Variants in SLC41A2 observed in about 807,000 individuals in gnomAD.
SLC41A2 encodes solute carrier family 41 member 2.
SLC41A2 carries 32 observed loss-of-function variants against 58.3 expected under a neutral mutation model. The observed-to-expected ratio is 0.55, with a 90% confidence interval of 0.41 to 0.74. SLC41A2 has a LOEUF of 0.74. SLC41A2 is among the 30% of genes least tolerant of loss of function. SLC41A2 has a pLI of 0.00. For missense variants in SLC41A2, 514 were observed against 680.6 expected (o/e 0.76, Z 2.72); for synonymous variants, 190 against 235.0 (o/e 0.81, Z 1.75).
intron 2 of SLC41A2, among the ~76,000 whole-genome samples, chr12:104,922,254 G>C (rs534401887): frequency 5.9e-5 from 9 of 152,056 alleles, no homozygotes; most frequent in Non-Finnish European, 1.0e-4. Context: ...ACAAGACCCA[G>C]GTTTCTGCCT....
At chr12:104,829,515 C>T (rs1009100226) in intron 10 of SLC41A2, among the ~76,000 whole-genome samples, 10 of 151,848 alleles carry the variant, frequency 6.6e-5, no homozygotes, top group Non-Finnish European at 1.5e-4. Flanking sequence ...TGCAAAGGAG[C>T]ATGAGGAAAC....
chr12:104,883,575 C>T (rs1050919459), intron 6 of SLC41A2, among the ~76,000 whole-genome samples: 2 of 152,200 alleles, frequency 1.3e-5, no homozygotes, highest in African/African-American at 4.8e-5. Context: ...ACAGTCAGGA[C>T]CCTCAGCTGC....
At chr12:104,936,234 T>C (rs1222792250) in intron 1 of SLC41A2, among the ~76,000 whole-genome samples, 1 of 152,178 alleles carries the variant, frequency 6.6e-6, no homozygotes, top group Non-Finnish European at 1.5e-5. Flanking sequence ...AATAATGATT[T>C]TGTTACTGGT....
intron 6 of SLC41A2, among the ~76,000 whole-genome samples, chr12:104,882,570 A>T (rs1214131855): frequency 3.3e-5 from 5 of 151,870 alleles, no homozygotes; most frequent in African/African-American, 1.2e-4. Context: ...TTTCTCCTTC[A>T]CTTATGAAGC....
chr12:104,920,969 T>C (rs1360510705), intron 2 of SLC41A2, among the ~76,000 whole-genome samples: 1 of 151,410 alleles, frequency 6.6e-6, no homozygotes, highest in African/African-American at 2.4e-5. Flanking sequence ...AAAAATTAGC[T>C]GGGTATGGTG....
At chr12:104,916,487 T>C (rs1430945456) in intron 2 of SLC41A2, among the ~76,000 whole-genome samples, 1 of 152,036 alleles carries the variant, frequency 6.6e-6, no homozygotes, top group Non-Finnish European at 1.5e-5. Context: ...AAAGTTCATA[T>C]GGAACCAAAA....
intron 10 of SLC41A2, among the ~76,000 whole-genome samples, chr12:104,831,882 C>T (rs1359548012): frequency 6.6e-6 from 1 of 152,014 alleles, no homozygotes. Context: ...AACTGAAATG[C>T]CTAAAATAAT....
intron 8 of SLC41A2, among the ~76,000 whole-genome samples, chr12:104,853,926 T>TTTTTTTTTTTATTTA (rs1565842755): frequency 8.4e-6 from 1 of 118,850 alleles, no homozygotes; most frequent in African/African-American, 3.1e-5. Context: ...TTTTTTTTTT[T>TTTTTTTTTTTATTTA]TTTTTTTTTT....
At chr12:104,859,641 TA>T (rs1203754493) in intron 8 of SLC41A2, among the ~76,000 whole-genome samples, 1 of 152,194 alleles carries the variant, frequency 6.6e-6, no homozygotes, top group Non-Finnish European at 1.5e-5. Flanking sequence ...TAAAGTGATA[TA>T]AAAATTAAAA....
At chr12:104,925,576 A>T (rs1479660229) in intron 2 of SLC41A2, among the ~76,000 whole-genome samples, 1 of 151,512 alleles carries the variant, frequency 6.6e-6, no homozygotes, top group Admixed American at 6.6e-5. Flanking sequence ...AAAAAAAAAA[A>T]TTTATATTAC....
intron 6 of SLC41A2, among the ~76,000 whole-genome samples, chr12:104,885,849 A>C (rs1290590989): frequency 1.3e-5 from 2 of 152,026 alleles, no homozygotes; most frequent in African/African-American, 4.8e-5. Flanking sequence ...ATGGGGAAAA[A>C]CATTCCATTG....
At chr12:104,873,431 A>G (rs1292506757) in intron 6 of SLC41A2, among the ~76,000 whole-genome samples, 2 of 152,226 alleles carry the variant, frequency 1.3e-5, no homozygotes, top group African/African-American at 4.8e-5. Flanking sequence ...CTCATCCATC[A>G]GGAACATTTA....
At chr12:104,838,071 T>C (rs1592968193) in intron 10 of SLC41A2, among the ~76,000 whole-genome samples, 1 of 152,176 alleles carries the variant, frequency 6.6e-6, no homozygotes, top group African/African-American at 2.4e-5. Context: ...TGTGGAAAAA[T>C]TTATTTTTAT....
At chr12:104,952,124 T>A (rs1476989885) in intron 1 of SLC41A2, among the ~76,000 whole-genome samples, 2 of 152,112 alleles carry the variant, frequency 1.3e-5, no homozygotes, top group African/African-American at 4.8e-5. Flanking sequence ...AGAAAAAAAA[T>A]TTGAATGAAA....
intron 2 of SLC41A2, among the ~76,000 whole-genome samples, chr12:104,921,998 G>T (rs188413887): frequency 3.2e-4 from 49 of 151,932 alleles, no homozygotes; most frequent in Admixed American, 6.6e-4. Flanking sequence ...AAGCCTTATG[G>T]TAACCACAGT....
intron 2 of SLC41A2, among the ~76,000 whole-genome samples, chr12:104,918,483 G>A (rs1259939379): frequency 6.6e-6 from 1 of 152,070 alleles, no homozygotes; most frequent in East Asian, 1.9e-4. Flanking sequence ...AAATCTGTGT[G>A]TACCTACAGT....
chr12:104,954,562 T>C (rs1339796232), intron 1 of SLC41A2, among the ~76,000 whole-genome samples: 1 of 152,210 alleles, frequency 6.6e-6, no homozygotes, highest in African/African-American at 2.4e-5. Context: ...ATTGGGTAAG[T>C]TGGTAACAAT....
chr12:104,865,461 T>G (rs2043395850), intron 7 of SLC41A2, among the ~76,000 whole-genome samples: 1 of 152,194 alleles, frequency 6.6e-6, no homozygotes, highest in Admixed American at 6.5e-5. Context: ...TCAACCAATC[T>G]TCCTCATTGC....
At position 104,803,626 on chromosome 12, in the gene SLC41A2, C is replaced by T. The variant is rs1480264695; in HGVS notation, c.*1526G>A. 6.6e-6 allele frequency: 1 copy of T among 151,992 alleles called. No homozygotes were observed. The highest frequency in any genetic ancestry group is 1.5e-5 in the Non-Finnish European group (1 of 68,014). 9.4% of individuals were successfully genotyped at this position (151,992 alleles called of 1,614,324 possible). A position where few individuals can be genotyped will look rare whatever the true frequency, so the allele number is the denominator to read the frequency against. ...TCAGCTTAAATTATTAAATATCTAA[C>T]GGTCTTGAGAGATTGAATTTTAAAA... On this transcript the variant is annotated 3_prime_UTR_variant, in exon 11 of 11. Transcript: ENST00000258538.
Sources: gnomAD v4.1 joint callset for allele counts (sites outside exome capture counted in the v4.1 genomes callset) on GRCh38, gnomAD v4.1.1 for gene constraint, MANE v1.5 for transcripts, NCBI Gene and HGNC (gene_info 2026-07-23, HGNC 2026-07-21) for gene names.